CTNNA2: variants seen among roughly 807,000 people sequenced by gnomAD.
The protein encoded by CTNNA2 is catenin alpha 2, also known as catenin alpha-2.
In CTNNA2, 42 loss-of-function variants were observed where a neutral mutation model predicts 101.0. That is an observed-to-expected ratio of 0.42 (90% CI 0.32 to 0.54). The LOEUF is 0.54. Among genes scored for constraint, CTNNA2 ranks in the 20% least tolerant of loss-of-function variants. The pLI is 0.14. For synonymous variants in CTNNA2, 450 were observed against 456.4 expected (o/e 0.99, Z 0.18); for missense variants, 871 against 1,223.1 (o/e 0.71, Z 4.29).
At chr2:80,410,812 G>T (rs1317771627) in intron 8 of CTNNA2, among the ~76,000 whole-genome samples, 1 of 152,202 alleles carries the variant, frequency 6.6e-6, no homozygotes, top group Non-Finnish European at 1.5e-5. Flanking sequence ...AGTTCAAGAT[G>T]TCCCTGGTCC....
rs80212728 is a variant in CTNNA2, at chr2:79,929,362, G to A, written c.1056+19565G>A. Among the ~76,000 whole-genome samples the A allele has an allele frequency of 2.8e-3, 428 of 152,184 alleles. 3 individuals carry two copies. The highest frequency in any genetic ancestry group is 9.5e-3 in the African/African-American group (394 of 41,554). ...CTTCAAATATTTAAAGAACTCTTTT[G>A]TAAAAGAAAAAAAGGGACGTATTCC... is the stretch of plus-strand genomic sequence containing the variant. On this transcript the variant is annotated intron_variant, in intron 7 of 18. Coordinates refer to ENST00000402739, the MANE Select transcript of CTNNA2 (RefSeq NM_001282597.3).
chr2:79,739,384 G>A (rs1024977583), intron 2 of CTNNA2, among the ~76,000 whole-genome samples: 2 of 152,136 alleles, frequency 1.3e-5, no homozygotes, highest in Admixed American at 1.3e-4. Context: ...AAGAAAGTAT[G>A]CTTACATTTG....
At chr2:80,373,460 A>T (rs1675640647) in intron 7 of CTNNA2, among the ~76,000 whole-genome samples, 1 of 152,176 alleles carries the variant, frequency 6.6e-6, no homozygotes, top group African/African-American at 2.4e-5. Context: ...CAAGTTTCTT[A>T]ATCAAAAGCA....
At chr2:80,218,500 G>C (rs1050242649) in intron 7 of CTNNA2, among the ~76,000 whole-genome samples, 2 of 152,242 alleles carry the variant, frequency 1.3e-5, no homozygotes, top group African/African-American at 4.8e-5. Flanking sequence ...TAGAAAGGCA[G>C]TACAACAAAG....
At position 80,040,042 on chromosome 2, in the gene CTNNA2, G is replaced by A. The variant is rs571142029; in HGVS notation, c.1056+130245G>A. Reference sequence around the variant, plus strand: ...AAAATTATCTAGATATGGAAAGCTTGTTGATCTTTCTACATGTCAAAGCTT... The same window carrying A: ...AAAATTATCTAGATATGGAAAGCTTATTGATCTTTCTACATGTCAAAGCTT... On this transcript the variant is annotated intron_variant, in intron 7 of 18. Transcript: ENST00000402739. Among the ~76,000 whole-genome samples, 19 of 152,284 alleles carry A rather than the reference G, an allele frequency of 1.2e-4. No homozygotes were observed. The East Asian group carries it at 2.7e-3, about 22-fold the overall frequency.
chr2:80,217,041 A>T (rs1708310054), intron 7 of CTNNA2, among the ~76,000 whole-genome samples: 1 of 152,032 alleles, frequency 6.6e-6, no homozygotes, highest in Non-Finnish European at 1.5e-5. Flanking sequence ...CATGTTGGCC[A>T]GGCTGGTCTT....
chr2:79,599,181 C>G (rs1677390837), intron 1 of CTNNA2, among the ~76,000 whole-genome samples: 1 of 152,134 alleles, frequency 6.6e-6, no homozygotes, highest in Non-Finnish European at 1.5e-5. Context: ...TTTACTAATA[C>G]CACACTGTCT....
At chr2:80,304,954 A>G (rs2149214306) in intron 7 of CTNNA2, 1 of 279,180 alleles carries the variant, frequency 3.6e-6, no homozygotes, top group Non-Finnish European at 5.3e-6. Context: ...AGGTGGAGGT[A>G]GGGGTAGCAT....
chr2:80,583,248 C>T (rs959416405), intron 14 of CTNNA2, among the ~76,000 whole-genome samples: 19 of 152,066 alleles, frequency 1.2e-4, no homozygotes, highest in African/African-American at 4.6e-4. Context: ...AGTAAGTGCT[C>T]GATAAAGATG....
At chr2:79,605,133 G>T (rs1314727923) in intron 1 of CTNNA2, among the ~76,000 whole-genome samples, 1 of 152,130 alleles carries the variant, frequency 6.6e-6, no homozygotes, top group Non-Finnish European at 1.5e-5. Context: ...GTTTTAATAA[G>T]TCAAATAGAG....
intron 17 of CTNNA2, chr2:80,612,984 AG>A (rs1424306054): frequency 2.0e-5 from 3 of 151,530 alleles, no homozygotes; most frequent in Non-Finnish European, 3.0e-5. Context: ...GAAAAGTTGC[AG>A]TGTCCAAACC....
intron 7 of CTNNA2, among the ~76,000 whole-genome samples, chr2:80,169,961 T>G (rs767458678): frequency 6.6e-6 from 1 of 152,136 alleles, no homozygotes; most frequent in Non-Finnish European, 1.5e-5. Context: ...TGGCATGGTG[T>G]TAGAACTAAA....
At chr2:80,546,116 C>G in intron 11 of CTNNA2, 53 bp downstream of exon 11, 1 of 1,594,830 alleles carries the variant, frequency 6.3e-7, no homozygotes, top group Non-Finnish European at 8.5e-7. Context: ...GGTAACTGAA[C>G]GAGATAAGGA....
intron 7 of CTNNA2, among the ~76,000 whole-genome samples, chr2:79,956,370 C>T (rs1409622668): frequency 6.6e-6 from 1 of 151,968 alleles, no homozygotes; most frequent in Non-Finnish European, 1.5e-5. Context: ...CTTATAATAC[C>T]TTAGGACAAT....
chr2:80,441,724 A>G (rs1299495215), intron 9 of CTNNA2, among the ~76,000 whole-genome samples: 2 of 152,204 alleles, frequency 1.3e-5, no homozygotes, highest in South Asian at 2.1e-4. Context: ...TTAGTAAAGA[A>G]ATGGAGACAG....
rs151244871 is a variant in CTNNA2 at position 80,541,845 on chromosome 2, C to T, written c.1291-3137C>T. On this transcript the variant is annotated intron_variant, in intron 9 of 18. Transcript: ENST00000402739. The stretch of plus-strand genomic sequence containing the variant: ...ACGCACAGATGCAAGAAAGTGTTTT[C>T]CAGAGCTGTTGATATAATACTTTGT... 2.5e-3 allele frequency among the ~76,000 whole-genome samples: 383 copies of T among 151,862 alleles called. 2 individuals are homozygous for T. Among genetic ancestry groups the T allele is most frequent in the African/African-American group, 7.8e-3 (323 of 41,394 alleles).
intron 2 of CTNNA2, among the ~76,000 whole-genome samples, chr2:79,227,859 C>G (rs1674439881): frequency 6.6e-6 from 1 of 152,200 alleles, no homozygotes. Flanking sequence ...TCTTACCACC[C>G]AGGCCATAAG....
intron 3 of CTNNA2, among the ~76,000 whole-genome samples, chr2:79,322,024 C>T (rs923651492): frequency 3.3e-5 from 5 of 152,196 alleles, no homozygotes; most frequent in Non-Finnish European, 7.3e-5. Context: ...ATAAAAATTA[C>T]AGTGATCACA....
intron 8 of CTNNA2, among the ~76,000 whole-genome samples, chr2:80,400,433 C>T (rs1382772798): frequency 6.6e-6 from 1 of 152,130 alleles, no homozygotes; most frequent in Non-Finnish European, 1.5e-5. Flanking sequence ...TAGTGATTCC[C>T]ATGGATGCTG....
Sources: gnomAD v4.1 joint callset for allele counts (sites outside exome capture counted in the v4.1 genomes callset) on GRCh38, gnomAD v4.1.1 for gene constraint, MANE v1.5 for transcripts, NCBI Gene and HGNC (gene_info 2026-07-23, HGNC 2026-07-21) for gene names.